The following RIMKLB variants were observed in gnomAD, a reference collection of about 807,000 sequenced individuals.
The protein encoded by RIMKLB is ribosomal modification protein rimK like family member B, also known as beta-citrylglutamate synthase B.
Under a neutral mutation model 32.0 loss-of-function variants are expected in RIMKLB, and 7 were observed. The ratio of observed to expected loss-of-function variants is 0.22; its 90% confidence interval spans 0.12 to 0.41. RIMKLB has a LOEUF of 0.41. Ranked by LOEUF, RIMKLB falls within the 10% of genes least tolerant of loss-of-function variation. The pLI is 1.00. For synonymous variants in RIMKLB, 172 were observed against 185.1 expected (o/e 0.93, Z 0.57); for missense variants, 289 against 498.7 (o/e 0.58, Z 4.00).
chr12:8,750,351 A>G (rs1221427125), intron 3 of RIMKLB, among the ~76,000 whole-genome samples: 1 of 152,192 alleles, frequency 6.6e-6, no homozygotes, highest in African/African-American at 2.4e-5. Flanking sequence ...ACCCTCCGTA[A>G]TGCTGTTGTA....
chr12:8,742,591 G>C (rs1263522772), intron 2 of RIMKLB: 1 of 309,088 alleles, frequency 3.2e-6, no homozygotes, highest in Non-Finnish European at 6.2e-6. Flanking sequence ...ATTTGAAGAG[G>C]ACCTGGGAGA....
chr12:8,764,973 C>T (rs751197635), intron 5 of RIMKLB, among the ~76,000 whole-genome samples: 1 of 149,946 alleles, frequency 6.7e-6, no homozygotes, highest in South Asian at 2.2e-4. Context: ...ATTCCACCTG[C>T]TCCTCCTGAT....
chr12:8,724,555 C>T (rs982767877), intron 2 of RIMKLB, among the ~76,000 whole-genome samples: 3 of 152,168 alleles, frequency 2.0e-5, no homozygotes, highest in Non-Finnish European at 1.5e-5. Context: ...ATAGTCAGCT[C>T]ATGCAGAGAT....
At position 8,773,885 on chromosome 12, in the gene RIMKLB, A is replaced by G; in HGVS notation, c.*101A>G. On this transcript the variant is annotated 3_prime_UTR_variant, in exon 6 of 6. Transcript: ENST00000535829. Reference sequence around the variant, plus strand: ...TGCTGTTCATGGAGGATGCTCAGGAAGATGAGAGAAAATTAGTAGGATTAG... The same window carrying G: ...TGCTGTTCATGGAGGATGCTCAGGAGGATGAGAGAAAATTAGTAGGATTAG... 6.8e-7 allele frequency: 1 copy of G among 1,467,738 alleles called. No homozygotes were observed. Among genetic ancestry groups the G allele is most frequent in the Non-Finnish European group, 9.0e-7 (1 of 1,111,576 alleles). 90.9% of individuals were successfully genotyped at this position (1,467,738 alleles called of 1,614,324 possible).
chr12:8,684,649 C>CAA (rs1942513807), intron 1 of RIMKLB, among the ~76,000 whole-genome samples: 1 of 151,190 alleles, frequency 6.6e-6, no homozygotes, highest in Non-Finnish European at 1.5e-5. Context: ...TTTTTTGAGA[C>CAA]AGAGTCTCAC....
In RIMKLB at chr12:8,714,026, G is replaced by A. The variant is rs754185655; in HGVS notation, c.160G>A (p.Glu54Lys). 15 of 1,614,022 alleles carry A rather than the reference G, an allele frequency of 9.3e-6. No individual in the cohort carries two copies. Among genetic ancestry groups the A allele is most frequent in the East Asian group, 2.2e-5 (1 of 44,876 alleles). Residue 54 changes from glutamate to lysine, a missense_variant, in exon 2 of 6, where the codon GAG (glutamate) becomes AAG (lysine). By Grantham distance (56) the Glu-to-Lys change is moderately conservative. This residue lies in a region of RIMKLB where 156 missense variants were observed against 329.5 expected (regional missense o/e 0.47). Transcript: ENST00000535829. ...VVMDEVVLTI[E>K]QGNLGLRING... Reference sequence around the variant, plus strand: ...GATGGATGAGGTGGTGCTGACAATCGAGCAAGGAAACCTGGGTAAGTCTGT... The same window carrying A: ...GATGGATGAGGTGGTGCTGACAATCAAGCAAGGAAACCTGGGTAAGTCTGT...
intron 1 of RIMKLB, among the ~76,000 whole-genome samples, chr12:8,698,730 A>G (rs78094539): frequency 0.016 from 2,051 of 129,258 alleles, 43 homozygotes; most frequent in African/African-American, 0.054. Context: ...CACAAATTCT[A>G]TGGAGCGACC....
chr12:8,765,463 C>G (rs1006370467), intron 5 of RIMKLB, among the ~76,000 whole-genome samples: 1 of 152,172 alleles, frequency 6.6e-6, no homozygotes, highest in Non-Finnish European at 1.5e-5. Context: ...CGGCCCTTCT[C>G]TCATTTGGTG....
chr12:8,780,233 A>G (rs762818524), downstream of RIMKLB: 1 of 152,328 alleles, frequency 6.6e-6, no homozygotes, highest in African/African-American at 2.4e-5. Context: ...TAGACTACCT[A>G]AATTTTTAAG....
rs772122646 is a variant in RIMKLB, at chr12:8,684,179, TC to T, written n.219+2362del. ...CATACTGAAGGTCATCTAAATTTTC[TC>T]TTTTTTTTTTTTAGATGGAGTCTCG... is the stretch of plus-strand genomic sequence containing the variant. On this transcript the variant is annotated intron_variant and non_coding_transcript_variant, in intron 1 of 1. Coordinates refer to the RIMKLB transcript ENST00000538758. Among the ~76,000 whole-genome samples, 230 of 150,488 alleles carry T rather than the reference TC, an allele frequency of 1.5e-3. 1 individual carries two copies. Among genetic ancestry groups the T allele is most frequent in the African/African-American group, 5.3e-3 (214 of 40,094 alleles).
intron 2 of RIMKLB, among the ~76,000 whole-genome samples, chr12:8,735,689 G>T (rs1946932454): frequency 6.6e-6 from 1 of 151,878 alleles, no homozygotes; most frequent in South Asian, 2.1e-4. Flanking sequence ...ATATTTATGG[G>T]AATGGTTATT....
chr12:8,775,178 T>C lies in RIMKLB; in HGVS notation c.*1394T>C. Reference sequence around the variant, plus strand: ...GCTACATGCTTTTCTTTAATGCTTCTGGCTATGCATTTTCTCTTTTTACAT... The same window carrying C: ...GCTACATGCTTTTCTTTAATGCTTCCGGCTATGCATTTTCTCTTTTTACAT... On this transcript the variant is annotated 3_prime_UTR_variant, in exon 6 of 6. Transcript: ENST00000535829. 1 of 985,808 alleles carries C rather than the reference T, an allele frequency of 1.0e-6. No individual in the cohort carries two copies. The highest frequency in any genetic ancestry group is 1.2e-6 in the Non-Finnish European group (1 of 829,902). The allele number at this position is 985,808 out of a possible 1,614,324, so 61.1% of individuals were successfully genotyped here. A position where few individuals can be genotyped will look rare whatever the true frequency, so the allele number is the denominator to read the frequency against.
chr12:8,706,968 A>T (rs1028198178), intron 1 of RIMKLB, among the ~76,000 whole-genome samples: 1 of 152,222 alleles, frequency 6.6e-6, no homozygotes, highest in Admixed American at 6.5e-5. Context: ...TCGGGGGATC[A>T]TATGCAGAAG....
intron 5 of RIMKLB, among the ~76,000 whole-genome samples, chr12:8,759,806 G>C (rs183689887): frequency 6.6e-6 from 1 of 152,242 alleles, no homozygotes; most frequent in East Asian, 1.9e-4. Flanking sequence ...TCTAGTTTCT[G>C]ATTTCCACTG....
At chr12:8,714,291 A>T (rs1490403486) in intron 2 of RIMKLB, 2 of 332,110 alleles carry the variant, frequency 6.0e-6, no homozygotes, top group African/African-American at 4.3e-5. Flanking sequence ...GTAGGCGCAT[A>T]TCTGTAGTTC....
downstream of RIMKLB, among the ~76,000 whole-genome samples, chr12:8,782,098 C>T (rs1951106899): frequency 6.7e-6 from 1 of 149,518 alleles, no homozygotes; most frequent in East Asian, 2.0e-4. Flanking sequence ...ATTTTGATTA[C>T]TATATAAAAA....
chr12:8,774,765 A>C lies in RIMKLB; in HGVS notation c.*981A>C. 1 of 985,688 alleles carries C rather than the reference A, an allele frequency of 1.0e-6. No individual in the cohort carries two copies. Among genetic ancestry groups the C allele is most frequent in the South Asian group, 4.7e-5 (1 of 21,274 alleles). 61.1% of individuals were successfully genotyped at this position (985,688 alleles called of 1,614,324 possible). A position where few individuals can be genotyped will look rare whatever the true frequency, so the allele number is the denominator to read the frequency against. On this transcript the variant is annotated 3_prime_UTR_variant, in exon 6 of 6. Transcript: ENST00000535829. ...GGGCATTTAAATAAGGACAAGGAAAAATATTTTTGGGGGCAAATCAAGAGC... is the reference window on the plus strand; with the variant it reads ...GGGCATTTAAATAAGGACAAGGAAACATATTTTTGGGGGCAAATCAAGAGC...
At chr12:8,708,322 A>G (rs1944077873) in intron 1 of RIMKLB, among the ~76,000 whole-genome samples, 1 of 152,172 alleles carries the variant, frequency 6.6e-6, no homozygotes, top group Non-Finnish European at 1.5e-5. Context: ...GTACTAGAAT[A>G]AATACCTTTG....
At chr12:8,746,613 A>G (rs1033678823) in intron 2 of RIMKLB, among the ~76,000 whole-genome samples, 8 of 151,678 alleles carry the variant, frequency 5.3e-5, no homozygotes, top group East Asian at 3.9e-4. Flanking sequence ...AAAAAAAAAA[A>G]AAAGAAAAAG....
Sources: allele counts gnomAD v4.1 joint callset (sites outside exome capture counted in the v4.1 genomes callset), GRCh38; gene constraint gnomAD v4.1.1; regional missense constraint gnomAD v4.1.1; transcripts MANE v1.5; gene names NCBI Gene and HGNC (gene_info 2026-07-23, HGNC 2026-07-21).